FARP2: variants seen among roughly 807,000 people sequenced by gnomAD.
FARP2 encodes FERM, ARHGEF and pleckstrin domain-containing protein 2.
FARP2 carries 111 observed loss-of-function variants against 130.5 expected under a neutral mutation model. The observed-to-expected ratio is 0.85, with a 90% CI of 0.73 to 1.00. The LOEUF is 1.00. Ranked by LOEUF, FARP2 falls within the 50% of genes least tolerant of loss-of-function variation. The pLI is 0.00. For synonymous variants in FARP2, 504 were observed against 516.9 expected (o/e 0.98, Z 0.34); for missense variants, 1,385 against 1,346.3 (o/e 1.03, Z -0.45).
intron 19 of FARP2, among the ~76,000 whole-genome samples, chr2:241,481,464 G>A (rs944831873): frequency 1.3e-5 from 2 of 152,224 alleles, no homozygotes; most frequent in African/African-American, 4.8e-5. Flanking sequence ...CTTGTTAGAA[G>A]AAGGTATTGA....
intron 23 of FARP2, 35 bp downstream of exon 23, chr2:241,491,214 A>AGGTGTAGTGGAGGT: frequency 6.8e-7 from 1 of 1,463,916 alleles, no homozygotes; most frequent in Non-Finnish European, 9.6e-7. Flanking sequence ...GGAGACCTCC[A>AGGTGTAGTGGAGGT]CTACACCTAA....
At chr2:241,474,592 A>C (rs1013066909) in intron 18 of FARP2, among the ~76,000 whole-genome samples, 1 of 151,486 alleles carries the variant, frequency 6.6e-6, no homozygotes, top group Non-Finnish European at 1.5e-5. Context: ...GGAGTGGGAG[A>C]CCAGCCTGGC....
At chr2:241,367,887 A>G (rs1426103529) in intron 1 of FARP2, among the ~76,000 whole-genome samples, 2 of 148,440 alleles carry the variant, frequency 1.3e-5, no homozygotes, top group East Asian at 2.0e-4. Flanking sequence ...TTTTTTTTTT[A>G]ATAGATTTTA....
Position 241,463,373 on chromosome 2 carries a change from T to C in FARP2, c.1716T>C (p.Pro572=). The C allele has an allele frequency of 6.2e-7, 1 of 1,614,146 alleles. No homozygotes were observed. The highest frequency in any genetic ancestry group is 1.1e-5 in the South Asian group (1 of 91,082). ...RSAVVKEDAM[P]ATLMTLLFSN... ...CAGTGGTGAAGGAGGACGCCATGCC[T>C]GCGACTCTGATGACGCTGCTCTTCT... The change falls in exon 16 of 27, where the codon CCT becomes CCC. Residue 572 remains proline (P), a synonymous_variant. Transcript: ENST00000264042.
Position 241,493,327 on chromosome 2 carries a change from G to A in FARP2, c.2930G>A (p.Gly977Asp), listed in dbSNP as rs997359952. 8.7e-6 allele frequency: 14 copies of A among 1,613,848 alleles called. No homozygotes were observed. The South Asian group carries it at 1.4e-4, about 16-fold the overall frequency. The change falls in exon 26 of 27, where the codon GGC (glycine) becomes GAC (aspartate). Residue 977 changes from glycine (G) to aspartate (D), a missense_variant. Physicochemically the swap from Gly to Asp is moderately conservative, Grantham distance 94. Transcript: ENST00000264042. ...CCACTGGCCAGCCTCCCGCTGCTGG[G>A]CTACAGCGTGAGCATCCCCAGGGAG... ...DYPLASLPLL[G>D]YSVSIPREAD...
intron 14 of FARP2, among the ~76,000 whole-genome samples, chr2:241,460,773 C>A (rs1025228468): frequency 2.0e-5 from 3 of 152,200 alleles, no homozygotes; most frequent in African/African-American, 7.2e-5. Flanking sequence ...GGGGGCTGAG[C>A]TGGTGGCAGA....
intron 2 of FARP2, chr2:241,386,618 G>A (rs530638863): frequency 6.6e-5 from 10 of 152,370 alleles, no homozygotes; most frequent in African/African-American, 2.2e-4. Flanking sequence ...ACGCGTCTTC[G>A]TGCATTGCAT....
chr2:241,405,715 C>T (rs62193216), intron 4 of FARP2, among the ~76,000 whole-genome samples: 25,348 of 152,110 alleles, frequency 0.17, 2,499 homozygotes, highest in East Asian at 0.41. Flanking sequence ...GGGCAGATCA[C>T]CTGAGGTCAG....
At chr2:241,450,732 G>A (rs1448473808) in intron 13 of FARP2, among the ~76,000 whole-genome samples, 2 of 152,074 alleles carry the variant, frequency 1.3e-5, no homozygotes, top group Admixed American at 6.5e-5. Context: ...GGCTGAGGTG[G>A]GCCAATCACT....
At chr2:241,472,801 A>C (rs1191362155) in intron 18 of FARP2, among the ~76,000 whole-genome samples, 1 of 141,630 alleles carries the variant, frequency 7.1e-6, no homozygotes, top group Non-Finnish European at 1.5e-5. Context: ...CTCAGTTCTG[A>C]GGGCACCCTG....
chr2:241,466,416 G>A, intron 17 of FARP2: 2 of 985,418 alleles, frequency 2.0e-6, no homozygotes, highest in Non-Finnish European at 2.4e-6. Flanking sequence ...CTGTGGGTGG[G>A]CACTGGTCCT....
intron 1 of FARP2, among the ~76,000 whole-genome samples, chr2:241,362,978 C>T (rs939598032): frequency 6.6e-6 from 1 of 152,204 alleles, no homozygotes; most frequent in Admixed American, 6.5e-5. Context: ...CTTGCCTCTC[C>T]CACTGTCTGT....
chr2:241,417,052 G>A (rs2062692009), intron 7 of FARP2, among the ~76,000 whole-genome samples: 1 of 152,160 alleles, frequency 6.6e-6, no homozygotes, highest in Non-Finnish European at 1.5e-5. Context: ...TGTAATCCCA[G>A]CACTTTGAGA....
chr2:241,407,249 C>T (rs2062384157), intron 4 of FARP2, among the ~76,000 whole-genome samples: 1 of 152,078 alleles, frequency 6.6e-6, no homozygotes, highest in Admixed American at 6.6e-5. Flanking sequence ...TGTTCGGAGA[C>T]AGGGTCTCAC....
intron 1 of FARP2, 166 bp from the exon 2 acceptor site, chr2:241,372,918 G>C: frequency 2.6e-6 from 1 of 380,112 alleles, no homozygotes; most frequent in Non-Finnish European, 4.6e-6. Flanking sequence ...TGCCTGAGTA[G>C]AAAATAATCT....
At chr2:241,401,163 A>G (rs1243367873) in intron 2 of FARP2, among the ~76,000 whole-genome samples, 4 of 152,178 alleles carry the variant, frequency 2.6e-5, no homozygotes, top group Non-Finnish European at 4.4e-5. Context: ...CTTTGTTACA[A>G]TGGATTTGCA....
Position 241,492,979 on chromosome 2 carries a change from G to A in FARP2, c.2838G>A (p.Trp946Ter), listed in dbSNP as rs750059266. 1.2e-6 allele frequency: 2 copies of A among 1,613,282 alleles called. No individual in the cohort carries two copies. The highest frequency in any genetic ancestry group is 1.7e-6 in the Non-Finnish European group (2 of 1,179,248). Residue 946 changes from tryptophan (W) to a stop codon, truncating the protein, a stop_gained, in exon 25 of 27, where the codon TGG (tryptophan) becomes TGA (stop). Transcript: ENST00000264042. LOFTEE classifies it high-confidence loss of function. The part of the protein sequence containing the change: ...LLRKFKNSHG[W>*]QKLWVVFTNF... ...GAAAGTTCAAAAACAGTCATGGCTG[G>A]CAGAAGCTCTGGGTCGTCTTTACCA...
intron 2 of FARP2, among the ~76,000 whole-genome samples, chr2:241,402,842 A>T (rs1325806530): frequency 7.4e-4 from 4 of 5,386 alleles, no homozygotes; most frequent in East Asian, 5.6e-3. Context: ...TAATTTATAT[A>T]TATATATATA....
At chr2:241,401,634 C>T (rs371499384) in intron 2 of FARP2, among the ~76,000 whole-genome samples, 2 of 152,082 alleles carry the variant, frequency 1.3e-5, no homozygotes, top group African/African-American at 2.4e-5. Flanking sequence ...AGTTCACAGG[C>T]GTGAGCTACC....
Sources: gnomAD v4.1 joint callset for allele counts (sites outside exome capture counted in the v4.1 genomes callset) on GRCh38, gnomAD v4.1.1 for gene constraint, MANE v1.5 for transcripts, NCBI Gene and HGNC (gene_info 2026-07-23, HGNC 2026-07-21) for gene names.